The following CYTH3 variants were observed in gnomAD, a reference collection of about 807,000 sequenced individuals.
The protein encoded by CYTH3 is cytohesin 3.
A neutral mutation model predicts 55.1 loss-of-function variants in CYTH3; 23 were observed. The ratio of observed to expected loss-of-function variants is 0.42; its 90% CI spans 0.30 to 0.59. The LOEUF is 0.59. CYTH3 is among the 20% of genes least tolerant of loss of function. The pLI is 0.20. For missense variants in CYTH3, 413 were observed against 524.8 expected, an observed-to-expected ratio of 0.79 and a Z score of 2.08; for synonymous variants, 249 against 194.9, an observed-to-expected ratio of 1.28 and a Z score of -2.31.
Position 6,170,658 on chromosome 7 carries a change from G to GA in CYTH3, c.712-13dup. 1.9e-6 allele frequency: 3 copies of GA among 1,611,072 alleles called. No homozygotes were observed. Among genetic ancestry groups the GA allele is most frequent in the Non-Finnish European group, 2.5e-6 (3 of 1,178,434 alleles). On this transcript the variant is annotated splice_polypyrimidine_tract_variant and intron_variant, in intron 8 of 12. Transcript: ENST00000350796. The surrounding 1 kb of genome is among the most constrained non-coding windows in gnomAD (Gnocchi z 7.8). ...CTCTCATACAAATTCTGCAAGGAGG[G>GA]AAAACAGCAGCCAGTTCAGAGACTC...
intron 5 of CYTH3, among the ~76,000 whole-genome samples, chr7:6,175,549 T>TC: frequency 6.9e-6 from 1 of 144,898 alleles, no homozygotes; most frequent in East Asian, 2.0e-4. Flanking sequence ...TTTAGTCTTT[T>TC]TTTTTTTTTT....
chr7:6,259,355 G>T (rs1450988852), intron 1 of CYTH3, among the ~76,000 whole-genome samples: 2 of 152,206 alleles, frequency 1.3e-5, no homozygotes, highest in East Asian at 3.9e-4. Flanking sequence ...TTTAAAGCAG[G>T]AACTTTTATT....
chr7:6,167,014 T>C lies in CYTH3; in HGVS notation c.824-1204A>G, dbSNP rs1276653652. Among the ~76,000 whole-genome samples, 2 of 151,900 alleles carry C rather than the reference T, an allele frequency of 1.3e-5. No individual in the cohort carries two copies. Among genetic ancestry groups the C allele is most frequent in the African/African-American group, 4.8e-5 (2 of 41,336 alleles). On this transcript the variant is annotated intron_variant, in intron 9 of 12. Transcript: ENST00000350796. This position sits in a 1 kb window ranked among gnomAD's most constrained non-coding sequence, Gnocchi z 5.5. Reference sequence around the variant, plus strand: ...CAGCCCTCAGACCCTGCCCCCAACATCTCTCCTGAGCCCTGGCGGGGCTTC... The same window carrying C: ...CAGCCCTCAGACCCTGCCCCCAACACCTCTCCTGAGCCCTGGCGGGGCTTC...
rs769523631 is a variant in CYTH3 at position 6,198,251 on chromosome 7, T to A, written c.35-7720A>T. ...GGAATAAATAAAAGGCATAGGAGTA[T>A]GTGATAAAGTATTTCTGAACCAGTC... On this transcript the variant is annotated intron_variant, in intron 1 of 12. Coordinates refer to ENST00000350796, the MANE Select transcript of CYTH3 (RefSeq NM_004227.4). Among the ~76,000 whole-genome samples the A allele has an allele frequency of 2.9e-4, 44 of 152,326 alleles. 1 individual carries two copies. Among genetic ancestry groups the A allele is most frequent in the Middle Eastern group, 3.4e-3 (1 of 294 alleles).
At chr7:6,220,060 T>C (rs1252496499) in intron 1 of CYTH3, among the ~76,000 whole-genome samples, 1 of 151,414 alleles carries the variant, frequency 6.6e-6, no homozygotes, top group Admixed American at 6.6e-5. Flanking sequence ...CTAATTTTTG[T>C]ATTTTTTTTT....
At chr7:6,246,457 A>T (rs1203165386) in intron 1 of CYTH3, among the ~76,000 whole-genome samples, 1 of 152,028 alleles carries the variant, frequency 6.6e-6, no homozygotes, top group East Asian at 1.9e-4. Context: ...GATCAAATTT[A>T]TCTTTTGTTT....
rs1783142419 is a variant in CYTH3 at position 6,170,404 on chromosome 7, T to A, written c.823+131A>T. The A allele has an allele frequency of 2.4e-6, 2 of 843,854 alleles. No individual in the cohort carries two copies. The highest frequency in any genetic ancestry group is 1.7e-5 in the African/African-American group (1 of 58,130). The allele number at this position is 843,854 out of a possible 1,614,324, so 52.3% of individuals were successfully genotyped here. On this transcript the variant is annotated intron_variant, in intron 9 of 12. Coordinates refer to ENST00000350796, the MANE Select transcript of CYTH3 (RefSeq NM_004227.4). This position sits in a 1 kb window ranked among gnomAD's most constrained non-coding sequence, Gnocchi z 7.8. The stretch of plus-strand genomic sequence containing the variant: ...GCAGCTACCGAGAGCGGGCTCTGGC[T>A]TAACCGCGTTTCTTTTTAACGTCTC...
At chr7:6,187,521 G>A (rs1783685480) in intron 3 of CYTH3, 136 bp downstream of exon 3, 2 of 773,042 alleles carry the variant, frequency 2.6e-6, no homozygotes, top group African/African-American at 1.7e-5. Flanking sequence ...AGAGTAGGGG[G>A]AGAGGAGAGG....
chr7:6,221,379 G>A (rs1784547987), intron 1 of CYTH3, among the ~76,000 whole-genome samples: 1 of 152,208 alleles, frequency 6.6e-6, no homozygotes, highest in East Asian at 1.9e-4. Context: ...ACATCTCAGA[G>A]GTGGAAAATG....
At chr7:6,194,293 A>G (rs1467216977) in intron 1 of CYTH3, among the ~76,000 whole-genome samples, 1 of 152,074 alleles carries the variant, frequency 6.6e-6, no homozygotes, top group East Asian at 1.9e-4. Context: ...AAAATATAAA[A>G]CCTTGGGGAA....
intron 1 of CYTH3, among the ~76,000 whole-genome samples, chr7:6,207,039 C>T (rs1381755309): frequency 6.6e-6 from 1 of 151,416 alleles, no homozygotes; most frequent in Non-Finnish European, 1.5e-5. Flanking sequence ...CTTTAAGATG[C>T]CATACCATAA....
At chr7:6,175,001 T>A (rs1783307105) in intron 5 of CYTH3, among the ~76,000 whole-genome samples, 1 of 152,250 alleles carries the variant, frequency 6.6e-6, no homozygotes, top group Non-Finnish European at 1.5e-5. Flanking sequence ...GAGTTCTTTA[T>A]ATAATCTAGA....
At position 6,171,367 on chromosome 7, in the gene CYTH3, C is replaced by G; in HGVS notation, c.450-53G>C. The G allele has an allele frequency of 6.4e-7, 1 of 1,552,182 alleles. No individual in the cohort carries two copies. The highest frequency in any genetic ancestry group is 1.1e-5 in the South Asian group (1 of 89,356). On this transcript the variant is annotated intron_variant, in intron 6 of 12. Coordinates refer to ENST00000350796, the MANE Select transcript of CYTH3 (RefSeq NM_004227.4). This position sits in a 1 kb window ranked among gnomAD's most constrained non-coding sequence, Gnocchi z 6.7. ...CCGCATCAGAACCAACACCGCCTCA[C>G]GGCCAAGGGCGGCTTCTGCCCAGCT...
chr7:6,261,628 A>G (rs900564798), intron 1 of CYTH3, among the ~76,000 whole-genome samples: 1 of 144,194 alleles, frequency 6.9e-6, no homozygotes, highest in African/African-American at 2.6e-5. Context: ...AGGTAGGAGG[A>G]TCATAGGATC....
intron 1 of CYTH3, among the ~76,000 whole-genome samples, chr7:6,270,231 T>A: frequency 6.6e-6 from 1 of 152,240 alleles, no homozygotes; most frequent in East Asian, 1.9e-4. Flanking sequence ...TTCAAAACTT[T>A]GCTTTTCACC....
At chr7:6,168,459 G>A (rs1396306611) in intron 9 of CYTH3, among the ~76,000 whole-genome samples, 1 of 152,058 alleles carries the variant, frequency 6.6e-6, no homozygotes, top group Non-Finnish European at 1.5e-5. Context: ...CATCTCGTCT[G>A]CCTCCAGCCA....
At chr7:6,245,350 G>C (rs1048698861) in intron 1 of CYTH3, among the ~76,000 whole-genome samples, 2 of 151,944 alleles carry the variant, frequency 1.3e-5, no homozygotes, top group Admixed American at 6.6e-5. Context: ...TTTTCTGAAA[G>C]AGGGCCCTCA....
chr7:6,236,364 C>CTTTTTTTTTTTT (rs34013002), intron 1 of CYTH3, among the ~76,000 whole-genome samples: 1 of 122,316 alleles, frequency 8.2e-6, no homozygotes, highest in African/African-American at 3.1e-5. Context: ...CTACGCCTGA[C>CTTTTTTTTTTTT]TTTTTTTTTT....
At chr7:6,262,312 A>T (rs1052463228) in intron 1 of CYTH3, among the ~76,000 whole-genome samples, 3 of 152,216 alleles carry the variant, frequency 2.0e-5, no homozygotes, top group Non-Finnish European at 2.9e-5. Flanking sequence ...AATTCTGTAA[A>T]TCTAATTTAA....
Sources: allele counts gnomAD v4.1 joint callset (sites outside exome capture counted in the v4.1 genomes callset), GRCh38; gene constraint gnomAD v4.1.1; non-coding constraint Gnocchi (gnomAD v3.1); transcripts MANE v1.5; gene names NCBI Gene and HGNC (gene_info 2026-07-23, HGNC 2026-07-21).